Variants in MYOM2 observed in about 807,000 individuals in gnomAD.
The protein encoded by MYOM2 is myomesin-2.
MYOM2 carries 254 observed loss-of-function variants against 187.6 expected under a neutral mutation model. The observed-to-expected ratio is 1.35, with a 90% CI of 1.22 to 1.50. MYOM2 has a LOEUF of 1.50. MYOM2 is among the 40% of genes most tolerant of loss of function. The pLI is 0.00. For synonymous variants in MYOM2, 981 were observed against 753.8 expected (o/e 1.30, Z -4.94); for missense variants, 2,796 against 1,924.0 (o/e 1.45, Z -8.48).
chr8:2,129,065 T>C, intron 31 of MYOM2, 62 bp from the exon 32 acceptor site: 1 of 1,285,054 alleles, frequency 7.8e-7, no homozygotes. Flanking sequence ...GCCGCGATGC[T>C]TTCTGTGATC....
At chr8:2,097,673 C>T (rs1187167388) in intron 18 of MYOM2, among the ~76,000 whole-genome samples, 1 of 152,128 alleles carries the variant, frequency 6.6e-6, no homozygotes, top group Non-Finnish European at 1.5e-5. Context: ...CACCACCACG[C>T]CCGGCTAATT....
chr8:2,063,503 T>A (rs946382787), intron 6 of MYOM2, among the ~76,000 whole-genome samples: 1 of 152,260 alleles, frequency 6.6e-6, no homozygotes, highest in African/African-American at 2.4e-5. Context: ...AAGAATATGA[T>A]GTTCTCATAT....
chr8:2,095,681 G>A (rs759328622), intron 17 of MYOM2, among the ~76,000 whole-genome samples: 5 of 152,116 alleles, frequency 3.3e-5, no homozygotes, highest in Non-Finnish European at 5.9e-5. Context: ...CTCAGAGCTG[G>A]GGCAAGCAGA....
chr8:2,075,190 G>A (rs1298512646), intron 10 of MYOM2, among the ~76,000 whole-genome samples: 1 of 152,196 alleles, frequency 6.6e-6, no homozygotes. Context: ...GAGCTTGCGA[G>A]TCTGTGAGGT....
chr8:2,074,191 G>T (rs1318000426), intron 10 of MYOM2, among the ~76,000 whole-genome samples: 4 of 152,180 alleles, frequency 2.6e-5, no homozygotes, highest in Non-Finnish European at 4.4e-5. Context: ...CAGCCTATAG[G>T]TGTGCATGTA....
In MYOM2 at chr8:2,141,154, A is replaced by C; in HGVS notation, c.3978A>C (p.Ala1326=). ...ATTTCCTCACAGCTTTTGATGAAGC[A>C]TTTGCAGAATTCCAGCAATTCAAGT... is the stretch of plus-strand genomic sequence containing the variant. ...LDLSGQAFDE[A]FAEFQQFKAA... The change falls in exon 34 of 37, where the codon GCA becomes GCC. Residue 1326 remains alanine, a synonymous_variant. Transcript: ENST00000262113. The C allele has an allele frequency of 3.1e-6, 5 of 1,612,294 alleles. No individual in the cohort carries two copies. Among genetic ancestry groups the C allele is most frequent in the Non-Finnish European group, 4.2e-6 (5 of 1,178,660 alleles).
chr8:2,067,554 T>C (rs1819057972), intron 6 of MYOM2, among the ~76,000 whole-genome samples: 1 of 152,150 alleles, frequency 6.6e-6, no homozygotes, highest in Non-Finnish European at 1.5e-5. Flanking sequence ...GGGCTTGGTG[T>C]TGAGTAAAAG....
In MYOM2 at chr8:2,092,352, C is replaced by G; in HGVS notation, c.1835C>G (p.Pro612Arg). Reference protein sequence around the residue: ...PIQAQDVTVVPSAPGRVLASR... With the variant: ...PIQAQDVTVVRSAPGRVLASR... Reference sequence around the variant, plus strand: ...TTTTGTCTCCTACGAAAAGTTGTCCCTTCTGCTCCGGGTCGGGTTCTTGCT... The same window carrying G: ...TTTTGTCTCCTACGAAAAGTTGTCCGTTCTGCTCCGGGTCGGGTTCTTGCT... The change falls in exon 16 of 37, where the codon CCT becomes CGT. Residue 612 changes from proline to arginine, a missense_variant. By Grantham distance (103) the Pro-to-Arg change is moderately radical. Coordinates refer to ENST00000262113, the MANE Select transcript of MYOM2 (RefSeq NM_003970.4). 6.2e-7 allele frequency: 1 copy of G among 1,613,956 alleles called. No homozygotes were observed. Among genetic ancestry groups the G allele is most frequent in the African/African-American group, 1.3e-5 (1 of 75,036 alleles).
intron 1 of MYOM2, among the ~76,000 whole-genome samples, chr8:2,046,056 A>G (rs974824596): frequency 6.6e-6 from 1 of 152,234 alleles, no homozygotes; most frequent in Non-Finnish European, 1.5e-5. Context: ...CTTGGGAGCC[A>G]AGGGCTTAGC....
At chr8:2,109,663 G>A (rs959354863) in intron 25 of MYOM2, 132 bp downstream of exon 25, 123 of 1,005,920 alleles carry the variant, frequency 1.2e-4, no homozygotes, top group Non-Finnish European at 1.6e-4. Context: ...GGCATGGAAG[G>A]TTGACAAGAT....
At chr8:2,100,256 C>G (rs1413775153) in intron 19 of MYOM2, among the ~76,000 whole-genome samples, 1 of 151,278 alleles carries the variant, frequency 6.6e-6, no homozygotes, top group African/African-American at 2.4e-5. Context: ...AAATTTTGGA[C>G]CTTAGAAAAC....
rs1441673665 is a variant in MYOM2 at position 2,076,533 on chromosome 8, C to T, written c.1262+251C>T. 8 of 494,696 alleles carry T rather than the reference C, an allele frequency of 1.6e-5. No homozygotes were observed. In the East Asian group the frequency reaches 3.0e-4, roughly 19 times the overall value. 30.6% of individuals were successfully genotyped at this position (494,696 alleles called of 1,614,324 possible). On this transcript the variant is annotated intron_variant, in intron 11 of 36. Transcript: ENST00000262113. ...GAGGCTCGTTTGCCTGTTGCACACCCAGTAACCAATCCCACCAACGTCTTC... is the reference window on the plus strand; with the variant it reads ...GAGGCTCGTTTGCCTGTTGCACACCTAGTAACCAATCCCACCAACGTCTTC...
At chr8:2,143,175 C>T (rs888668734) in intron 35 of MYOM2, among the ~76,000 whole-genome samples, 4 of 152,202 alleles carry the variant, frequency 2.6e-5, no homozygotes, top group African/African-American at 9.6e-5. Flanking sequence ...TGGAGTGTTT[C>T]TCCCCCAACC....
At chr8:2,100,093 C>CT (rs1330327775) in intron 19 of MYOM2, among the ~76,000 whole-genome samples, 1 of 87,554 alleles carries the variant, frequency 1.1e-5, no homozygotes, top group Non-Finnish European at 2.2e-5. Context: ...TCTTTCCTTC[C>CT]TTCCTTCCTT....
intron 3 of MYOM2, among the ~76,000 whole-genome samples, chr8:2,053,932 A>G (rs1036160550): frequency 6.6e-6 from 1 of 152,202 alleles, no homozygotes; most frequent in Admixed American, 6.5e-5. Flanking sequence ...AAAGGTAAAC[A>G]TAAGTCGTGG....
In MYOM2 at chr8:2,140,710, T is replaced by C. The variant is rs771136004; in HGVS notation, c.3801-13T>C. On this transcript the variant is annotated splice_polypyrimidine_tract_variant and intron_variant, in intron 32 of 36. Transcript: ENST00000262113. ...GACCCTAACTCAGATACGTTCCTGT[T>C]GCTCTTTTCAAGAGATGCTAAGATC... is the stretch of plus-strand genomic sequence containing the variant. The C allele has an allele frequency of 2.5e-6, 4 of 1,613,172 alleles. No homozygotes were observed. Among genetic ancestry groups the C allele is most frequent in the Non-Finnish European group, 3.4e-6 (4 of 1,179,418 alleles).
chr8:2,138,565 T>G (rs1426066325), intron 32 of MYOM2, among the ~76,000 whole-genome samples: 1 of 152,194 alleles, frequency 6.6e-6, no homozygotes, highest in Non-Finnish European at 1.5e-5. Context: ...CACTTTTACA[T>G]TATGTGCATT....
intron 15 of MYOM2, among the ~76,000 whole-genome samples, chr8:2,090,469 T>TA (rs1233924241): frequency 1.3e-5 from 2 of 152,210 alleles, no homozygotes; most frequent in Non-Finnish European, 2.9e-5. Flanking sequence ...TTTAAACTTT[T>TA]AAAAAAACTT....
chr8:2,098,971 A>C lies in MYOM2; in HGVS notation c.2428A>C (p.Met810Leu). Residue 810 changes from methionine to leucine, a missense_variant, in exon 19 of 37, where the codon ATG becomes CTG. By Grantham distance (15) the Met-to-Leu change is conservative. Transcript: ENST00000262113. ...SEHFKCEAWT[M>L]PEPGPAYDLT... The stretch of plus-strand genomic sequence containing the variant: ...GCACTTCAAGTGTGAGGCCTGGACC[A>C]TGCCGGAGCCCGGTGAGTCGCTGCC... 1 of 1,607,716 alleles carries C rather than the reference A, an allele frequency of 6.2e-7. No homozygotes were observed. Among genetic ancestry groups the C allele is most frequent in the South Asian group, 1.1e-5 (1 of 90,476 alleles).
Sources: gnomAD v4.1 joint callset for allele counts (sites outside exome capture counted in the v4.1 genomes callset) on GRCh38, gnomAD v4.1.1 for gene constraint, MANE v1.5 for transcripts, NCBI Gene and HGNC (gene_info 2026-07-23, HGNC 2026-07-21) for gene names.